The following NTN4 variants were observed in gnomAD, a reference collection of about 807,000 sequenced individuals.
NTN4 encodes netrin-4.
In NTN4, 32 loss-of-function variants were observed where a neutral mutation model predicts 73.6. The observed-to-expected ratio is 0.44, with a 90% CI of 0.33 to 0.58. NTN4 has a LOEUF of 0.58. Ranked by LOEUF, NTN4 falls within the 20% of genes least tolerant of loss-of-function variation. The probability of loss-of-function intolerance (pLI) is 0.04; values close to 1 mark genes in which losing one functional copy is unlikely to be tolerated. For missense variants in NTN4, 654 were observed against 798.3 expected (o/e 0.82, Z 2.18); for synonymous variants, 258 against 287.5 (o/e 0.90, Z 1.04).
chr12:95,699,152 CT>C (rs2078464332), intron 5 of NTN4, among the ~76,000 whole-genome samples: 1 of 151,968 alleles, frequency 6.6e-6, no homozygotes, highest in Admixed American at 6.6e-5. Context: ...TTCACAGTTG[CT>C]TTCAATATAA....
chr12:95,672,040 G>A (rs2078234644), intron 7 of NTN4, among the ~76,000 whole-genome samples: 1 of 149,736 alleles, frequency 6.7e-6, no homozygotes, highest in Non-Finnish European at 1.5e-5. Flanking sequence ...AGAGTGAGCA[G>A]CCAGGTGTGG....
chr12:95,738,254 T>C (rs1196394782), intron 2 of NTN4, 110 bp from the exon 3 acceptor site: 2 of 1,054,438 alleles, frequency 1.9e-6, no homozygotes, highest in Admixed American at 2.3e-5. Flanking sequence ...CTGTGAACGA[T>C]AAGATAACAA....
Position 95,789,359 on chromosome 12 carries a change from G to A in NTN4, c.55+896C>T, listed in dbSNP as rs2079191354. Among the ~76,000 whole-genome samples the A allele has an allele frequency of 6.6e-6, 1 of 152,168 alleles. No individual in the cohort carries two copies. Among genetic ancestry groups the A allele is most frequent in the African/African-American group, 2.4e-5 (1 of 41,450 alleles). ...CCCCTTTCTGAAGCAGTCAAGATCC[G>A]CACGAGAGACTGGATGTCTGCAGAC... On this transcript the variant is annotated intron_variant, in intron 1 of 9. Coordinates refer to ENST00000343702, the MANE Select transcript of NTN4 (RefSeq NM_021229.4). The surrounding 1 kb of genome is among the most constrained non-coding windows in gnomAD (Gnocchi z 4.0).
At chr12:95,671,580 G>A (rs977272410) in intron 7 of NTN4, among the ~76,000 whole-genome samples, 1 of 152,146 alleles carries the variant, frequency 6.6e-6, no homozygotes, top group African/African-American at 2.4e-5. Context: ...AGAATCTAAT[G>A]CCTGATGGTC....
intron 4 of NTN4, among the ~76,000 whole-genome samples, chr12:95,712,601 G>GTATT (rs1191239947): frequency 1.3e-5 from 2 of 151,680 alleles, no homozygotes; most frequent in East Asian, 1.9e-4. Flanking sequence ...GTCTATTCAT[G>GTATT]TATTTATTTA....
intron 9 of NTN4, among the ~76,000 whole-genome samples, chr12:95,661,006 A>T (rs559411794): frequency 5.9e-5 from 9 of 152,336 alleles, no homozygotes; most frequent in African/African-American, 1.9e-4. Flanking sequence ...TTTTAAAAGG[A>T]CACAGCAGCT....
chr12:95,746,280 T>C (rs2078862097), intron 2 of NTN4, among the ~76,000 whole-genome samples: 1 of 152,164 alleles, frequency 6.6e-6, no homozygotes, highest in African/African-American at 2.4e-5. Context: ...TCTATCACCT[T>C]GTAATAGTCT....
chr12:95,665,803 T>G lies in NTN4; in HGVS notation c.1750+7A>C. The G allele has an allele frequency of 1.9e-6, 3 of 1,610,778 alleles. No homozygotes were observed. Among genetic ancestry groups the G allele is most frequent in the Non-Finnish European group, 2.5e-6 (3 of 1,178,238 alleles). On this transcript the variant is annotated splice_region_variant and intron_variant, in intron 9 of 9. Transcript: ENST00000343702. Reference sequence around the variant, plus strand: ...TAGGTACTAAGATAGGAAAGTCTAATACTCACCAGGATTGAGGATTGGACA... The same window carrying G: ...TAGGTACTAAGATAGGAAAGTCTAAGACTCACCAGGATTGAGGATTGGACA...
chr12:95,711,616 GAGT>G (rs1310797135), intron 4 of NTN4, among the ~76,000 whole-genome samples: 1 of 152,228 alleles, frequency 6.6e-6, no homozygotes, highest in African/African-American at 2.4e-5. Context: ...TTGAACTGGT[GAGT>G]AGAAGGTGGA....
intron 2 of NTN4, among the ~76,000 whole-genome samples, chr12:95,758,055 G>A (rs867369555): frequency 6.6e-6 from 1 of 152,196 alleles, no homozygotes; most frequent in Non-Finnish European, 1.5e-5. Flanking sequence ...GAACATTCAC[G>A]CAGAAGTCAT....
Position 95,781,394 on chromosome 12 carries a change from A to G in NTN4, c.585+5545T>C, listed in dbSNP as rs1476125464. On this transcript the variant is annotated intron_variant, in intron 2 of 9. Transcript: ENST00000343702. This position sits in a 1 kb window ranked among gnomAD's most constrained non-coding sequence, Gnocchi z 4.1. ...ACTCATGAAAACTTGCCAGGAACTC[A>G]TAGTCCTTGTCACTGTCCATTCTAT... Among the ~76,000 whole-genome samples, 1 of 152,228 alleles carries G rather than the reference A, an allele frequency of 6.6e-6. No homozygotes were observed. Among genetic ancestry groups the G allele is most frequent in the African/African-American group, 2.4e-5 (1 of 41,460 alleles).
intron 3 of NTN4, among the ~76,000 whole-genome samples, chr12:95,719,529 A>G (rs1376512497): frequency 1.3e-5 from 2 of 152,198 alleles, no homozygotes; most frequent in Admixed American, 6.5e-5. Flanking sequence ...AGAGAAAAGG[A>G]TTAAACTTCT....
chr12:95,667,362 T>C (rs2078189627), intron 8 of NTN4, among the ~76,000 whole-genome samples: 1 of 151,892 alleles, frequency 6.6e-6, no homozygotes. Context: ...TTTTCATATA[T>C]ATATATTTTT....
intron 5 of NTN4, among the ~76,000 whole-genome samples, chr12:95,688,779 GAA>G (rs3047215): frequency 7.2e-6 from 1 of 138,954 alleles, no homozygotes; most frequent in African/African-American, 2.6e-5. Context: ...AGAAGGAGGA[GAA>G]AAAAAAAAAA....
intron 3 of NTN4, among the ~76,000 whole-genome samples, chr12:95,718,870 TA>T (rs1300313782): frequency 6.6e-6 from 1 of 152,290 alleles, no homozygotes; most frequent in East Asian, 1.9e-4. Flanking sequence ...GTGACTATGG[TA>T]CTCTTGGACT....
chr12:95,718,854 T>C (rs2078626545), intron 3 of NTN4, among the ~76,000 whole-genome samples: 1 of 152,192 alleles, frequency 6.6e-6, no homozygotes, highest in African/African-American at 2.4e-5. Flanking sequence ...ATGTTTCCCA[T>C]TGCTTGTGAC....
At chr12:95,683,999 A>G (rs1191495112) in intron 5 of NTN4, among the ~76,000 whole-genome samples, 1 of 152,198 alleles carries the variant, frequency 6.6e-6, no homozygotes, top group African/African-American at 2.4e-5. Flanking sequence ...ACGAACCAGC[A>G]AAGAAGACAG....
At chr12:95,698,637 C>T (rs2078459382) in intron 5 of NTN4, among the ~76,000 whole-genome samples, 1 of 151,998 alleles carries the variant, frequency 6.6e-6, no homozygotes, top group Non-Finnish European at 1.5e-5. Flanking sequence ...ATCACTTGAG[C>T]TCAGGAGTTC....
intron 7 of NTN4, among the ~76,000 whole-genome samples, chr12:95,677,271 C>CCAA (rs2078280429): frequency 6.6e-6 from 1 of 151,668 alleles, no homozygotes; most frequent in African/African-American, 2.4e-5. Flanking sequence ...ACTTTGATTA[C>CCAA]CAACACCAAA....
Sources: gnomAD v4.1 joint callset for allele counts (sites outside exome capture counted in the v4.1 genomes callset) on GRCh38, gnomAD v4.1.1 for gene constraint, Gnocchi (gnomAD v3.1) non-coding constraint, MANE v1.5 for transcripts, NCBI Gene and HGNC (gene_info 2026-07-23, HGNC 2026-07-21) for gene names.